TENM3: variants seen among roughly 807,000 people sequenced by gnomAD.
The protein encoded by TENM3 is teneurin transmembrane protein 3, also known as teneurin-3.
In TENM3, 63 loss-of-function variants were observed where a neutral mutation model predicts 255.1. The observed-to-expected ratio is 0.25, with a 90% CI of 0.20 to 0.30. TENM3 has a LOEUF of 0.30. TENM3 is among the 10% of genes least tolerant of loss of function. TENM3 has a pLI of 1.00. For missense variants in TENM3, 2,929 were observed against 3,461.1 expected (o/e 0.85, Z 3.86); for synonymous variants, 1,306 against 1,322.3 (o/e 0.99, Z 0.27).
At chr4:182,475,458 T>C (rs1467883460) in intron 3 of TENM3, among the ~76,000 whole-genome samples, 2 of 152,128 alleles carry the variant, frequency 1.3e-5, no homozygotes, top group Non-Finnish European at 2.9e-5. Flanking sequence ...CTCAACAGAA[T>C]GACTTGATGG....
chr4:181,570,990 C>A, the TENM3 span, among the ~76,000 whole-genome samples: 2 of 151,826 alleles, frequency 1.3e-5, no homozygotes, highest in African/African-American at 4.8e-5. Flanking sequence ...AGACACTGAG[C>A]CAACGTGGCC....
At position 182,792,762 on chromosome 4, in the gene TENM3, G is replaced by A. The variant is rs1290203291; in HGVS notation, c.6090G>A (p.Met2030Ile). 1 of 1,613,964 alleles carries A rather than the reference G, an allele frequency of 6.2e-7. No homozygotes were observed. The change falls in exon 26 of 28, where the codon ATG becomes ATA. Residue 2030 changes from methionine (M) to isoleucine (I), a missense_variant. This residue lies in a region of TENM3 where 303 missense variants were observed against 425.2 expected (regional missense o/e 0.71). Coordinates refer to ENST00000511685, the MANE Select transcript of TENM3 (RefSeq NM_001080477.4). The surrounding 1 kb of genome is among the most constrained non-coding windows in gnomAD (Gnocchi z 6.3). ...SYDNSFRVTSMQGVINETPLP... is the reference protein window; with the variant it reads ...SYDNSFRVTSIQGVINETPLP... The stretch of plus-strand genomic sequence containing the variant: ...ACAACAGCTTTCGAGTGACCAGCAT[G>A]CAGGGTGTGATCAATGAAACGCCAC...
At chr4:182,455,322 CT>C (rs1221758432) in intron 3 of TENM3, among the ~76,000 whole-genome samples, 1 of 152,080 alleles carries the variant, frequency 6.6e-6, no homozygotes, top group East Asian at 1.9e-4. Flanking sequence ...TTAGACTAAG[CT>C]TTCCATTTGG....
intron 4 of TENM3, among the ~76,000 whole-genome samples, chr4:182,602,902 A>G (rs2152416446): frequency 6.6e-6 from 1 of 152,290 alleles, no homozygotes; most frequent in South Asian, 2.1e-4. Context: ...AGTTGACAAT[A>G]ATTGTTTTGA....
chr4:181,726,997 A>C, the TENM3 span, among the ~76,000 whole-genome samples: 1 of 152,204 alleles, frequency 6.6e-6, no homozygotes, highest in Admixed American at 6.5e-5. Flanking sequence ...TGCATACAGA[A>C]GGGAGAGGTA....
At position 182,751,900 on chromosome 4, in the gene TENM3, C is replaced by G; in HGVS notation, c.3730C>G (p.Leu1244Val). 6 of 1,613,818 alleles carry G rather than the reference C, an allele frequency of 3.7e-6. No individual in the cohort carries two copies. The highest frequency in any genetic ancestry group is 5.1e-6 in the Non-Finnish European group (6 of 1,179,860). The change falls in exon 20 of 28, where the codon CTT becomes GTT. Residue 1244 changes from leucine to valine, a missense_variant. Physicochemically the swap from Leu to Val is conservative, Grantham distance 32 (BLOSUM62 1). Coordinates refer to ENST00000511685, the MANE Select transcript of TENM3 (RefSeq NM_001080477.4). Reference sequence around the variant, plus strand: ...CCGCAGAATTTATCGCCCAAAGTCACTTACGGGGGCAAAAGACTTGACTAA... The same window carrying G: ...CCGCAGAATTTATCGCCCAAAGTCAGTTACGGGGGCAAAAGACTTGACTAA... ...NTRRIYRPKS[L>V]TGAKDLTKNA...
chr4:182,360,736 T>A (rs1036933237), intron 3 of TENM3, among the ~76,000 whole-genome samples: 5 of 152,088 alleles, frequency 3.3e-5, no homozygotes, highest in Non-Finnish European at 7.4e-5. Flanking sequence ...AAGTTAATAT[T>A]GTTATGTGTG....
the TENM3 span, among the ~76,000 whole-genome samples, chr4:181,795,305 G>C: frequency 6.6e-6 from 1 of 151,918 alleles, no homozygotes; most frequent in African/African-American, 2.4e-5. Flanking sequence ...CCCTTTCCTG[G>C]TGTACAGACA....
chr4:182,299,611 G>A (rs1372260313), intron 1 of TENM3, among the ~76,000 whole-genome samples: 2 of 152,166 alleles, frequency 1.3e-5, no homozygotes, highest in Non-Finnish European at 2.9e-5. Flanking sequence ...CTAAATTACA[G>A]ATCTTAGAGT....
chr4:181,644,273 G>A, the TENM3 span, among the ~76,000 whole-genome samples: 3 of 152,082 alleles, frequency 2.0e-5, no homozygotes, highest in African/African-American at 7.2e-5. Context: ...ATGAACAGAA[G>A]GGGGAATATT....
the TENM3 span, among the ~76,000 whole-genome samples, chr4:181,616,872 T>C: frequency 6.6e-6 from 1 of 152,214 alleles, no homozygotes; most frequent in Non-Finnish European, 1.5e-5. Flanking sequence ...GCAGATCTTT[T>C]ACTCAGTCCA....
the TENM3 span, among the ~76,000 whole-genome samples, chr4:181,664,867 C>T: frequency 6.6e-6 from 1 of 152,196 alleles, no homozygotes. Context: ...TGCTGCTTTA[C>T]CCCCATGCTC....
chr4:181,640,718 G>A, the TENM3 span, among the ~76,000 whole-genome samples: 1 of 152,158 alleles, frequency 6.6e-6, no homozygotes. Flanking sequence ...GATTGGGTTT[G>A]GCTGATGGGA....
At chr4:181,986,274 T>G in the TENM3 span, among the ~76,000 whole-genome samples, 5 of 152,024 alleles carry the variant, frequency 3.3e-5, no homozygotes, top group Non-Finnish European at 4.4e-5. Flanking sequence ...TTCCTTTTTC[T>G]CTTGAAGATC....
chr4:182,708,873 A>G (rs1159027635), intron 12 of TENM3, among the ~76,000 whole-genome samples: 1 of 152,076 alleles, frequency 6.6e-6, no homozygotes, highest in African/African-American at 2.4e-5. Context: ...GGTCCTACTC[A>G]TGCCGTGTGT....
the TENM3 span, among the ~76,000 whole-genome samples, chr4:181,652,190 C>T: frequency 4.7e-5 from 7 of 149,082 alleles, no homozygotes; most frequent in South Asian, 1.5e-3. Context: ...TGTAGTCTTC[C>T]ATGGGACATG....
chr4:182,101,102 GGGAGGAAGGAAA>G, the TENM3 span, among the ~76,000 whole-genome samples: 3 of 41,772 alleles, frequency 7.2e-5, no homozygotes, highest in African/African-American at 2.7e-4. Context: ...GAGGGAGGGA[GGGAGGAAGGAAA>G]GAAGGAAGGA....
At chr4:181,466,523 T>A in the TENM3 span, among the ~76,000 whole-genome samples, 1 of 152,318 alleles carries the variant, frequency 6.6e-6, no homozygotes, top group Non-Finnish European at 1.5e-5. Flanking sequence ...ATGTATGTAA[T>A]TTATTCCTAT....
the TENM3 span, among the ~76,000 whole-genome samples, chr4:181,811,710 G>C: frequency 4.6e-5 from 7 of 152,138 alleles, no homozygotes; most frequent in Non-Finnish European, 8.8e-5. Flanking sequence ...AAAACCATCA[G>C]ATCTCATGAG....
Sources: allele counts gnomAD v4.1 joint callset (sites outside exome capture counted in the v4.1 genomes callset), GRCh38; gene constraint gnomAD v4.1.1; regional missense constraint gnomAD v4.1.1; non-coding constraint Gnocchi (gnomAD v3.1); transcripts MANE v1.5; gene names NCBI Gene and HGNC (gene_info 2026-07-23, HGNC 2026-07-21).